Variants in HDAC4 observed in about 807,000 individuals in gnomAD.
HDAC4 encodes the protein histone deacetylase A.
Under a neutral mutation model 135.1 loss-of-function variants are expected in HDAC4, and 16 were observed. The observed-to-expected ratio is 0.12, with a 90% CI of 0.08 to 0.18. The LOEUF (loss-of-function observed/expected upper bound fraction) is 0.18. Ranked by LOEUF, HDAC4 falls within the 10% of genes least tolerant of loss-of-function variation. The probability of loss-of-function intolerance (pLI) is 1.00; values close to 1 mark genes in which losing one functional copy is unlikely to be tolerated. For missense variants in HDAC4, 1,143 were observed against 1,511.8 expected, an observed-to-expected ratio of 0.76 and a Z score of 4.05; for synonymous variants, 685 against 653.4, an observed-to-expected ratio of 1.05 and a Z score of -0.74.
At chr2:239,225,733 G>A (rs572176664) in intron 3 of HDAC4, among the ~76,000 whole-genome samples, 3 of 35,208 alleles carry the variant, frequency 8.5e-5, no homozygotes, top group South Asian at 5.4e-3. Flanking sequence ...CCCCTCGCCC[G>A]TGGCCACGTA....
chr2:239,162,414 T>C, intron 6 of HDAC4: 1 of 448,146 alleles, frequency 2.2e-6, no homozygotes, highest in South Asian at 1.6e-5. Flanking sequence ...TCCACACTCC[T>C]GTCCCTTGCT....
intron 2 of HDAC4, among the ~76,000 whole-genome samples, chr2:239,315,765 T>C (rs547640818): frequency 3.3e-5 from 5 of 152,116 alleles, no homozygotes; most frequent in South Asian, 2.1e-4. Context: ...TCCAAACGAA[T>C]TGGGGATGCA....
chr2:239,134,512 C>G lies in HDAC4; in HGVS notation c.1095+15G>C, dbSNP rs754017383. On this transcript the variant is annotated intron_variant, in intron 10 of 26. Coordinates refer to ENST00000543185, the MANE Select transcript of HDAC4 (RefSeq NM_001378414.1). ...CACCACCCCACACCACACGGACCCACGGGGGCTGACTTACCGCAGAGGGGC... is the reference window on the plus strand; with the variant it reads ...CACCACCCCACACCACACGGACCCAGGGGGGCTGACTTACCGCAGAGGGGC... The G allele has an allele frequency of 9.9e-6, 16 of 1,613,566 alleles. No homozygotes were observed. Among genetic ancestry groups the G allele is most frequent in the Non-Finnish European group, 1.4e-5 (16 of 1,179,712 alleles).
At chr2:239,380,651 C>A (rs573376403) in intron 1 of HDAC4, among the ~76,000 whole-genome samples, 2 of 152,216 alleles carry the variant, frequency 1.3e-5, no homozygotes, top group Non-Finnish European at 1.5e-5. Flanking sequence ...CACTGCTGAA[C>A]TGTACACTAA....
chr2:239,135,991 A>G (rs2040927010), intron 9 of HDAC4, among the ~76,000 whole-genome samples: 1 of 152,358 alleles, frequency 6.6e-6, no homozygotes, highest in African/African-American at 2.4e-5. Context: ...GACTTGAACT[A>G]CTGTGATATT....
chr2:239,329,710 C>A (rs908667622), intron 2 of HDAC4, among the ~76,000 whole-genome samples: 1 of 152,224 alleles, frequency 6.6e-6, no homozygotes, highest in African/African-American at 2.4e-5. Flanking sequence ...CCTTGCCAGA[C>A]ACTCAGGGCC....
At position 239,389,290 on chromosome 2, in the gene HDAC4, T is replaced by C. The variant is rs573772679; in HGVS notation, c.-220+11688A>G. 3.3e-5 allele frequency among the ~76,000 whole-genome samples: 5 copies of C among 152,288 alleles called. No homozygotes were observed. In the East Asian group the frequency reaches 9.7e-4, roughly 29 times the overall value. ...CCCCTTCCATGCTGTGGAAGCTTTG[T>C]TCTTTCGATCTCCACAATAAATCTT... On this transcript the variant is annotated intron_variant, in intron 1 of 26. Transcript: ENST00000543185.
intron 1 of HDAC4, among the ~76,000 whole-genome samples, chr2:239,370,007 T>C (rs1001961843): frequency 9.8e-5 from 15 of 152,294 alleles, no homozygotes; most frequent in African/African-American, 3.6e-4. Flanking sequence ...AAAGAACAGA[T>C]GATTGCAGCG....
In HDAC4 at chr2:239,306,846, G is replaced by C. The variant is rs540804817; in HGVS notation, c.22+45832C>G. ...CACCCCCGAGGAGCCAGACAGGATC[G>C]AGAGAACCTTCTGGAAGGAGCTGCA... On this transcript the variant is annotated intron_variant, in intron 2 of 26. Coordinates refer to ENST00000543185, the MANE Select transcript of HDAC4 (RefSeq NM_001378414.1). This position sits in a 1 kb window ranked among gnomAD's most constrained non-coding sequence, Gnocchi z 4.5. Among the ~76,000 whole-genome samples, 1 of 152,016 alleles carries C rather than the reference G, an allele frequency of 6.6e-6. No homozygotes were observed. The highest frequency in any genetic ancestry group is 6.6e-5 in the Admixed American group (1 of 15,250).
At chr2:239,293,294 C>A (rs2051642837) in intron 2 of HDAC4, among the ~76,000 whole-genome samples, 1 of 152,206 alleles carries the variant, frequency 6.6e-6, no homozygotes, top group Non-Finnish European at 1.5e-5. Flanking sequence ...GTAGCAGTTG[C>A]CTTCTGAATT....
chr2:239,189,515 T>G (rs1020488826), intron 4 of HDAC4, among the ~76,000 whole-genome samples: 1 of 152,260 alleles, frequency 6.6e-6, no homozygotes, highest in African/African-American at 2.4e-5. Context: ...GTTCTGGTGC[T>G]TCTTCCCTTT....
chr2:239,296,023 A>G (rs1363258324), intron 2 of HDAC4, among the ~76,000 whole-genome samples: 1 of 152,260 alleles, frequency 6.6e-6, no homozygotes, highest in African/African-American at 2.4e-5. Context: ...CAGAAGCAGC[A>G]GAGAGCTGAG....
intron 3 of HDAC4, among the ~76,000 whole-genome samples, chr2:239,214,517 C>T (rs112857971): frequency 0.017 from 2,541 of 152,218 alleles, 39 homozygotes; most frequent in Non-Finnish European, 0.025. Context: ...TTCTGTCAAC[C>T]GCACTCTGGC....
intron 2 of HDAC4, among the ~76,000 whole-genome samples, chr2:239,250,707 T>C (rs2048736621): frequency 6.6e-6 from 1 of 152,204 alleles, no homozygotes; most frequent in African/African-American, 2.4e-5. Context: ...GAAGAGGCAC[T>C]TCCTCCCTGG....
rs76700299 is a variant in HDAC4, at chr2:239,384,875, C to A, written c.-220+16103G>T. Among the ~76,000 whole-genome samples, 149 of 152,272 alleles carry A rather than the reference C, an allele frequency of 9.8e-4. 2 individuals are homozygous for A. The East Asian group carries it at 0.028, about 29-fold the overall frequency. On this transcript the variant is annotated intron_variant, in intron 1 of 26. Transcript: ENST00000543185. Reference sequence around the variant, plus strand: ...ATACATCAGCCCTCGGACCAAGCACCAGGAAGATGAGACACAGGCAGGACC... The same window carrying A: ...ATACATCAGCCCTCGGACCAAGCACAAGGAAGATGAGACACAGGCAGGACC...
chr2:239,296,284 T>C (rs1299578186), intron 2 of HDAC4, among the ~76,000 whole-genome samples: 1 of 152,246 alleles, frequency 6.6e-6, no homozygotes, highest in Non-Finnish European at 1.5e-5. Flanking sequence ...ATGTGTGCCC[T>C]GGGCGTGGAC....
chr2:239,108,794 C>G (rs1256801974), intron 14 of HDAC4, among the ~76,000 whole-genome samples: 1 of 152,222 alleles, frequency 6.6e-6, no homozygotes, highest in Non-Finnish European at 1.5e-5. Context: ...TAACCTCTGA[C>G]TGTGAAAAGA....
At chr2:239,343,783 A>G (rs994454529) in intron 2 of HDAC4, among the ~76,000 whole-genome samples, 2 of 151,738 alleles carry the variant, frequency 1.3e-5, no homozygotes, top group Non-Finnish European at 1.5e-5. Context: ...AGAGGCGCAC[A>G]CTCCTTGAGG....
chr2:239,123,639 C>T (rs1042790044), intron 12 of HDAC4, among the ~76,000 whole-genome samples: 4 of 152,368 alleles, frequency 2.6e-5, no homozygotes, highest in East Asian at 1.9e-4. Flanking sequence ...CCGGACACCA[C>T]GCAATCAAAG....
Sources: allele counts gnomAD v4.1 joint callset (sites outside exome capture counted in the v4.1 genomes callset), GRCh38; gene constraint gnomAD v4.1.1; non-coding constraint Gnocchi (gnomAD v3.1); transcripts MANE v1.5; gene names NCBI Gene and HGNC (gene_info 2026-07-23, HGNC 2026-07-21).